The following GRID1 variants were observed in gnomAD, a reference collection of about 807,000 sequenced individuals.
GRID1 encodes the protein glutamate receptor ionotropic, delta-1.
In GRID1, 28 loss-of-function variants were observed where a neutral mutation model predicts 98.0. That is an observed-to-expected ratio of 0.29 (90% CI 0.21 to 0.39). GRID1 has a LOEUF of 0.39. Ranked by LOEUF, GRID1 falls within the 10% of genes least tolerant of loss-of-function variation. The pLI is 1.00. For synonymous variants in GRID1, 553 were observed against 538.5 expected (o/e 1.03, Z -0.37); for missense variants, 1,111 against 1,340.5 (o/e 0.83, Z 2.67).
intron 5 of GRID1, among the ~76,000 whole-genome samples, chr10:85,908,297 T>A (rs1367107510): frequency 6.6e-6 from 1 of 152,170 alleles, no homozygotes; most frequent in Non-Finnish European, 1.5e-5. Context: ...TCTAATGGAA[T>A]CTATGAAAAA....
At chr10:85,930,151 T>C (rs980627812) in intron 4 of GRID1, among the ~76,000 whole-genome samples, 4 of 151,092 alleles carry the variant, frequency 2.6e-5, no homozygotes, top group African/African-American at 7.2e-5. Flanking sequence ...AACTTGCGGT[T>C]ATTTATAACT....
chr10:86,259,174 T>C (rs950495852), intron 2 of GRID1, among the ~76,000 whole-genome samples: 1 of 152,252 alleles, frequency 6.6e-6, no homozygotes, highest in African/African-American at 2.4e-5. Context: ...TATAAGAACA[T>C]GAAGCTGTTT....
At chr10:86,158,113 C>T (rs1001983218) in intron 3 of GRID1, among the ~76,000 whole-genome samples, 1 of 152,200 alleles carries the variant, frequency 6.6e-6, no homozygotes, top group African/African-American at 2.4e-5. Context: ...CACAAGCCTC[C>T]AGGGCTCCGG....
intron 2 of GRID1, among the ~76,000 whole-genome samples, chr10:86,223,281 C>G (rs373502204): frequency 7.9e-5 from 12 of 152,182 alleles, no homozygotes; most frequent in African/African-American, 2.9e-4. Flanking sequence ...TCCCTTTCTC[C>G]ACCCCCTGCC....
At chr10:85,907,525 T>C (rs1010578298) in intron 5 of GRID1, among the ~76,000 whole-genome samples, 6 of 152,226 alleles carry the variant, frequency 3.9e-5, no homozygotes, top group Admixed American at 3.9e-4. Flanking sequence ...ATAAATTTAA[T>C]TTGTAGTTAA....
At chr10:85,616,072 A>C (rs1392352131) in intron 14 of GRID1, among the ~76,000 whole-genome samples, 1 of 152,216 alleles carries the variant, frequency 6.6e-6, no homozygotes, top group Non-Finnish European at 1.5e-5. Flanking sequence ...CGTTAGCTCG[A>C]GATCCAGCCA....
At chr10:85,939,838 G>A (rs1244885307) in intron 4 of GRID1, among the ~76,000 whole-genome samples, 1 of 152,036 alleles carries the variant, frequency 6.6e-6, no homozygotes, top group Non-Finnish European at 1.5e-5. Context: ...GGCCAAAGTG[G>A]GAGAATCACC....
chr10:86,197,335 A>G (rs985540151), intron 3 of GRID1, among the ~76,000 whole-genome samples: 2 of 152,150 alleles, frequency 1.3e-5, no homozygotes, highest in African/African-American at 4.8e-5. Flanking sequence ...CTCATGGAGC[A>G]GCAAGGAGCC....
chr10:86,301,603 C>T (rs1471814632), intron 2 of GRID1, among the ~76,000 whole-genome samples: 2 of 152,170 alleles, frequency 1.3e-5, no homozygotes, highest in Non-Finnish European at 2.9e-5. Flanking sequence ...ACCTTGTATC[C>T]CCACCTTCCC....
At position 85,600,584 on chromosome 10, in the gene GRID1, C is replaced by CTG. The variant is rs1842560590; in HGVS notation, c.*1687_*1688dup. ...CTCTCAGCTCCCTGATTACTGCTGGCTGTGGGAGCTCCACCTCCTTCAGTG... is the reference window on the plus strand; with the variant it reads ...CTCTCAGCTCCCTGATTACTGCTGGCTGTGTGGGAGCTCCACCTCCTTCAGTG... On this transcript the variant is annotated 3_prime_UTR_variant, in exon 16 of 16. Transcript: ENST00000327946. The CTG allele has an allele frequency of 2.6e-5, 4 of 152,278 alleles. No homozygotes were observed. Among genetic ancestry groups the CTG allele is most frequent in the Non-Finnish European group, 5.9e-5 (4 of 68,078 alleles). 9.4% of individuals were successfully genotyped at this position (152,278 alleles called of 1,614,324 possible). A position where few individuals can be genotyped will look rare whatever the true frequency, so the allele number is the denominator to read the frequency against.
intron 2 of GRID1, among the ~76,000 whole-genome samples, chr10:86,334,004 C>A (rs918662431): frequency 6.6e-6 from 1 of 152,100 alleles, no homozygotes; most frequent in Non-Finnish European, 1.5e-5. Flanking sequence ...GCCGCCACCC[C>A]CTCCCTTCTC....
chr10:86,138,779 G>C (rs1844966566), intron 4 of GRID1, 40 bp downstream of exon 4: 2 of 1,524,668 alleles, frequency 1.3e-6, no homozygotes, highest in African/African-American at 2.7e-5. Context: ...GCAGAGCCCT[G>C]GGCACCAGGC....
At chr10:86,083,413 T>C (rs1459873623) in intron 4 of GRID1, among the ~76,000 whole-genome samples, 1 of 152,178 alleles carries the variant, frequency 6.6e-6, no homozygotes, top group African/African-American at 2.4e-5. Flanking sequence ...GTGAAGTGCA[T>C]GGTGGTTTTG....
chr10:86,258,607 T>C (rs1846962714), intron 2 of GRID1, among the ~76,000 whole-genome samples: 2 of 152,130 alleles, frequency 1.3e-5, no homozygotes, highest in South Asian at 4.2e-4. Flanking sequence ...ACAAACCATG[T>C]GGCAGCTCTT....
At chr10:85,681,919 G>A (rs1165112838) in intron 12 of GRID1, among the ~76,000 whole-genome samples, 1 of 152,032 alleles carries the variant, frequency 6.6e-6, no homozygotes, top group East Asian at 1.9e-4. Flanking sequence ...CACCCAACAT[G>A]TGCACTCAGT....
intron 8 of GRID1, among the ~76,000 whole-genome samples, chr10:85,789,630 C>T (rs1220453564): frequency 6.6e-6 from 1 of 152,106 alleles, no homozygotes; most frequent in African/African-American, 2.4e-5. Context: ...TTATGAATTC[C>T]TTTGCCACAA....
At chr10:85,957,789 T>C (rs1986509) in intron 4 of GRID1, among the ~76,000 whole-genome samples, 16,614 of 152,082 alleles carry the variant, frequency 0.11, 2,115 homozygotes, top group African/African-American at 0.31. Flanking sequence ...ACTCTTCCCC[T>C]AAGCTTGGGA....
intron 2 of GRID1, among the ~76,000 whole-genome samples, chr10:86,354,959 G>T (rs956031249): frequency 2.0e-5 from 3 of 152,130 alleles, no homozygotes; most frequent in Non-Finnish European, 2.9e-5. Flanking sequence ...CATCTCCCCC[G>T]CCCTAAGTGG....
intron 2 of GRID1, among the ~76,000 whole-genome samples, chr10:86,290,080 C>T (rs1847491911): frequency 6.6e-6 from 1 of 152,244 alleles, no homozygotes; most frequent in South Asian, 2.1e-4. Flanking sequence ...ACCACTTTGT[C>T]ATATAAGCTA....
Sources: allele counts gnomAD v4.1 joint callset (sites outside exome capture counted in the v4.1 genomes callset), GRCh38; gene constraint gnomAD v4.1.1; transcripts MANE v1.5; gene names NCBI Gene and HGNC (gene_info 2026-07-23, HGNC 2026-07-21).